The following SMTN variants were observed in gnomAD, a reference collection of about 807,000 sequenced individuals.
SMTN encodes the protein smoothelin.
In SMTN, 58 loss-of-function variants were observed where a neutral mutation model predicts 102.0. The ratio of observed to expected loss-of-function variants is 0.57; its 90% confidence interval spans 0.46 to 0.71. The LOEUF (loss-of-function observed/expected upper bound fraction) is 0.71, where lower values mean the gene tolerates loss of function less well. Among genes scored for constraint, SMTN ranks in the 30% least tolerant of loss-of-function variants. The pLI is 0.00. For missense variants in SMTN, 1,185 were observed against 1,241.7 expected (o/e 0.95, Z 0.69); for synonymous variants, 478 against 497.9 (o/e 0.96, Z 0.53).
chr22:31,085,388 G>A, intron 2 of SMTN: 1 of 1,128,320 alleles, frequency 8.9e-7, no homozygotes, highest in Non-Finnish European at 1.2e-6. Flanking sequence ...ACCGCCGGCG[G>A]GACCCCCATG....
chr22:31,104,589 C>A lies in SMTN; in HGVS notation c.*294C>A. ...TGCGACACCCTCCCCCCCACATACA[C>A]ACGCAGCGTTTTGATAAATTATTGG... On this transcript the variant is annotated 3_prime_UTR_variant, in exon 21 of 21. Transcript: ENST00000333137. 1 of 931,684 alleles carries A rather than the reference C, an allele frequency of 1.1e-6. No homozygotes were observed. The highest frequency in any genetic ancestry group is 1.7e-6 in the Non-Finnish European group (1 of 604,702). 57.7% of individuals were successfully genotyped at this position (931,684 alleles called of 1,614,324 possible).
At position 31,096,807 on chromosome 22, in the gene SMTN, G is replaced by A. The variant is rs2043623560; in HGVS notation, c.1936G>A (p.Ala646Thr). 6.4e-7 allele frequency: 1 copy of A among 1,573,730 alleles called. No homozygotes were observed. The highest frequency in any genetic ancestry group is 2.2e-5 in the East Asian group (1 of 44,510). Reference sequence around the variant, plus strand: ...GCCAGGGGAGGGGCGCGGCAACACAGCCACTGAGACCACCACGAGGCACAG... The same window carrying A: ...GCCAGGGGAGGGGCGCGGCAACACAACCACTGAGACCACCACGAGGCACAG... ...GRPGEGRGNT[A>T]TETTTRHSQR... The change falls in exon 14 of 21, where the codon GCC becomes ACC. Residue 646 changes from alanine to threonine, a missense_variant. Transcript: ENST00000333137.
intron 8 of SMTN, 110 bp from the exon 9 acceptor site, chr22:31,090,698 G>A: frequency 3.4e-6 from 3 of 870,732 alleles, no homozygotes; most frequent in Non-Finnish European, 3.8e-6. Context: ...TACAGGAAAG[G>A]GTGGGAAGCT....
At chr22:31,090,752 A>C (rs1474510992) in intron 8 of SMTN, 56 bp from the exon 9 acceptor site, 8 of 1,343,908 alleles carry the variant, frequency 6.0e-6, no homozygotes, top group Non-Finnish European at 8.6e-6. Flanking sequence ...GACACCCACT[A>C]TCCCCTGTCT....
At chr22:31,068,266 T>C in intron 1 of SMTN, 1 of 151,620 alleles carries the variant, frequency 6.6e-6, no homozygotes, top group Non-Finnish European at 1.5e-5. Context: ...ACCGCGCCAT[T>C]GCACTCTAGC....
Position 31,104,597 on chromosome 22 carries a change from G to A in SMTN, c.*302G>A. On this transcript the variant is annotated 3_prime_UTR_variant, in exon 21 of 21. Coordinates refer to ENST00000333137, the MANE Select transcript of SMTN (RefSeq NM_134269.3). ...CCTCCCCCCCACATACACACGCAGC[G>A]TTTTGATAAATTATTGGTTTTCAAC... 1.1e-6 allele frequency: 1 copy of A among 909,962 alleles called. No individual in the cohort carries two copies. The highest frequency in any genetic ancestry group is 1.5e-5 in the South Asian group (1 of 65,674). 56.4% of individuals were successfully genotyped at this position (909,962 alleles called of 1,614,324 possible). A position where few individuals can be genotyped will look rare whatever the true frequency, so the allele number is the denominator to read the frequency against.
At chr22:31,069,915 T>C (rs1256998742) in intron 1 of SMTN, among the ~76,000 whole-genome samples, 1 of 152,158 alleles carries the variant, frequency 6.6e-6, no homozygotes, top group African/African-American at 2.4e-5. Flanking sequence ...TTAGATTAAC[T>C]AAATCCAGTA....
chr22:31,099,881 C>A lies in SMTN; in HGVS notation c.2588C>A (p.Ala863Asp). The change falls in exon 19 of 21, where the codon GCC (alanine) becomes GAC (aspartate). Residue 863 changes from alanine to aspartate, a missense_variant. Physicochemically the swap from Ala to Asp is moderately radical, Grantham distance 126. This residue lies in a region of SMTN where 89 missense variants were observed against 128.9 expected (regional missense o/e 0.69). Transcript: ENST00000333137. ...PQNRRQNFEVAFSSAETHADC... is the reference protein window; with the variant it reads ...PQNRRQNFEVDFSSAETHADC... ...AACCGACGCCAGAACTTCGAGGTGG[C>A]CTTCTCATCTGCGGAGTAAGTGTGG... 1 of 1,613,970 alleles carries A rather than the reference C, an allele frequency of 6.2e-7. No homozygotes were observed. The highest frequency in any genetic ancestry group is 8.5e-7 in the Non-Finnish European group (1 of 1,179,888).
intron 1 of SMTN, among the ~76,000 whole-genome samples, chr22:31,068,551 G>A (rs1220853164): frequency 6.6e-6 from 1 of 152,116 alleles, no homozygotes; most frequent in African/African-American, 2.4e-5. Context: ...CAAATTGGCT[G>A]CCTCCTTACT....
intron 11 of SMTN, among the ~76,000 whole-genome samples, chr22:31,092,714 G>A (rs2043228682): frequency 6.6e-6 from 1 of 152,170 alleles, no homozygotes; most frequent in African/African-American, 2.4e-5. Context: ...GGGGTGGGGG[G>A]ACCCGCTGAG....
At chr22:31,078,335 G>C (rs2042178784), upstream of SMTN, among the ~76,000 whole-genome samples, 1 of 152,202 alleles carries the variant, frequency 6.6e-6, no homozygotes. Flanking sequence ...GTCATTCTCA[G>C]ACTTGAGCTC....
At chr22:31,072,607 G>A (rs2042030178) in intron 1 of SMTN, among the ~76,000 whole-genome samples, 1 of 151,958 alleles carries the variant, frequency 6.6e-6, no homozygotes, top group African/African-American at 2.4e-5. Flanking sequence ...GATTACAGGT[G>A]CCCGCCACCA....
upstream of SMTN, among the ~76,000 whole-genome samples, chr22:31,081,052 C>A (rs914631967): frequency 2.6e-5 from 4 of 151,260 alleles, no homozygotes; most frequent in Non-Finnish European, 5.9e-5. Flanking sequence ...GCTCGGGGCG[C>A]CCCCCCCGAC....
At chr22:31,083,025 C>G in intron 1 of SMTN, 154 bp from the exon 2 acceptor site, 1 of 1,409,026 alleles carries the variant, frequency 7.1e-7, no homozygotes, top group Non-Finnish European at 9.8e-7. Flanking sequence ...GCAAACCACC[C>G]TAGGGCAGAG....
In SMTN at chr22:31,082,939, C is replaced by A. The variant is rs746970607; in HGVS notation, c.-80-240C>A. 26 of 1,518,558 alleles carry A rather than the reference C, an allele frequency of 1.7e-5. No individual in the cohort carries two copies. The South Asian group carries it at 3.1e-4, about 18-fold the overall frequency. 94.1% of individuals were successfully genotyped at this position (1,518,558 alleles called of 1,614,324 possible). A position where few individuals can be genotyped will look rare whatever the true frequency, so the allele number is the denominator to read the frequency against. ...AGACAGGATGAGAGTCCATCCCAGG[C>A]CACACAGCAGACTGGCGGCCAAGCT... On this transcript the variant is annotated intron_variant, in intron 1 of 20. Transcript: ENST00000333137.
At chr22:31,091,593 G>T in intron 10 of SMTN, 82 bp from the exon 11 acceptor site, 1 of 1,515,388 alleles carries the variant, frequency 6.6e-7, no homozygotes, top group Middle Eastern at 1.8e-4. Flanking sequence ...GGGTGTGCTG[G>T]GAGCGAGGGC....
At chr22:31,080,645 T>A (rs2042251958), upstream of SMTN, 1 of 152,266 alleles carries the variant, frequency 6.6e-6, no homozygotes, top group Admixed American at 6.5e-5. Context: ...TTTTGCTGAA[T>A]GACAGCCTGG....
intron 11 of SMTN, chr22:31,093,545 G>A (rs1247208324): frequency 1.4e-6 from 1 of 712,834 alleles, no homozygotes; most frequent in Non-Finnish European, 2.6e-6. Context: ...GCTGAAGCAG[G>A]CCGGGTGGCA....
At chr22:31,091,575 T>C in intron 10 of SMTN, 93 bp downstream of exon 10, 1 of 1,508,194 alleles carries the variant, frequency 6.6e-7, no homozygotes, top group South Asian at 1.3e-5. Context: ...ACTCAGGGTG[T>C]CTCCAAAGGG....
Sources: allele counts gnomAD v4.1 joint callset (sites outside exome capture counted in the v4.1 genomes callset), GRCh38; gene constraint gnomAD v4.1.1; regional missense constraint gnomAD v4.1.1; transcripts MANE v1.5; gene names NCBI Gene and HGNC (gene_info 2026-07-23, HGNC 2026-07-21).